Variants in GABRB1 observed in about 807,000 individuals in gnomAD.
GABRB1 encodes gamma-aminobutyric acid receptor subunit beta-1.
GABRB1 carries 17 observed loss-of-function variants against 51.6 expected under a neutral mutation model. That is an observed-to-expected ratio of 0.33 (90% CI 0.23 to 0.49). The LOEUF is 0.49. GABRB1 is among the 20% of genes least tolerant of loss of function. GABRB1 has a pLI of 0.99. For synonymous variants in GABRB1, 247 were observed against 218.9 expected (o/e 1.13, Z -1.14); for missense variants, 410 against 600.6 (o/e 0.68, Z 3.32).
rs574926674 is a variant in GABRB1, at chr4:47,398,567, G to T, written c.545-4751G>T. The stretch of plus-strand genomic sequence containing the variant: ...ATCTTCTCATATATATAGAGAGAGA[G>T]AGAGAGAGAGACAGAGAGAGAGACA... On this transcript the variant is annotated intron_variant, in intron 5 of 8. Coordinates refer to ENST00000295454, the MANE Select transcript of GABRB1 (RefSeq NM_000812.4). 1.9e-3 allele frequency among the ~76,000 whole-genome samples: 290 copies of T among 152,220 alleles called. 1 individual carries two copies. Among genetic ancestry groups the T allele is most frequent in the African/African-American group, 6.7e-3 (277 of 41,554 alleles).
intron 4 of GABRB1, among the ~76,000 whole-genome samples, chr4:47,228,218 A>C (rs1457770906): frequency 6.6e-6 from 1 of 152,180 alleles, no homozygotes; most frequent in Non-Finnish European, 1.5e-5. Context: ...TCAATATCAT[A>C]GTATGAGTGA....
At chr4:47,270,199 G>A (rs1722817184) in intron 4 of GABRB1, among the ~76,000 whole-genome samples, 1 of 152,166 alleles carries the variant, frequency 6.6e-6, no homozygotes, top group African/African-American at 2.4e-5. Flanking sequence ...TGACATGGCT[G>A]TTTTGGTTTT....
chr4:47,083,372 A>G (rs1017520154), intron 3 of GABRB1, among the ~76,000 whole-genome samples: 5 of 152,182 alleles, frequency 3.3e-5, no homozygotes, highest in Admixed American at 6.6e-5. Context: ...CATATTTTAT[A>G]TTAGCACAAG....
chr4:47,350,216 T>G (rs35884281), intron 5 of GABRB1, among the ~76,000 whole-genome samples: 28,916 of 71,390 alleles, frequency 0.41, 5,047 homozygotes, highest in East Asian at 0.51. Flanking sequence ...TATATATATA[T>G]ATAGAGAGAG....
At chr4:47,092,165 C>CTTTTTTTTTTTTTTTTT (rs869057256) in intron 3 of GABRB1, among the ~76,000 whole-genome samples, 3 of 60,506 alleles carry the variant, frequency 5.0e-5, no homozygotes, top group African/African-American at 7.0e-5. Context: ...TTCTTTCTTT[C>CTTTTTTTTTTTTTTTTT]TTTTTTTTTT....
At chr4:47,295,101 C>G (rs1723919415) in intron 4 of GABRB1, among the ~76,000 whole-genome samples, 1 of 152,154 alleles carries the variant, frequency 6.6e-6, no homozygotes, top group Non-Finnish European at 1.5e-5. Context: ...AACAAAAACC[C>G]ATCTGTACAT....
chr4:46,996,070 GT>G (rs35038999), intron 1 of GABRB1, among the ~76,000 whole-genome samples: 63,798 of 139,888 alleles, frequency 0.46, 14,120 homozygotes, highest in Admixed American at 0.56. Context: ...CTAACTTGAG[GT>G]TTTTTTTTTT....
chr4:47,302,646 A>G (rs1490774794), intron 4 of GABRB1, among the ~76,000 whole-genome samples: 2 of 152,024 alleles, frequency 1.3e-5, no homozygotes, highest in Non-Finnish European at 2.9e-5. Context: ...GTCTAAAAAT[A>G]AGATTTTCAG....
chr4:47,257,689 A>G (rs1406997168), intron 4 of GABRB1, among the ~76,000 whole-genome samples: 1 of 151,708 alleles, frequency 6.6e-6, no homozygotes, highest in Non-Finnish European at 1.5e-5. Context: ...GAAAGCTAAG[A>G]GTCAGGAAAA....
intron 5 of GABRB1, among the ~76,000 whole-genome samples, chr4:47,330,317 T>A (rs1694820140): frequency 6.6e-6 from 1 of 152,162 alleles, no homozygotes; most frequent in African/African-American, 2.4e-5. Context: ...ACTGGACACC[T>A]CGTGATCCAG....
chr4:47,038,154 T>G (rs1489250996), intron 3 of GABRB1, among the ~76,000 whole-genome samples: 1 of 152,226 alleles, frequency 6.6e-6, no homozygotes, highest in Non-Finnish European at 1.5e-5. Context: ...TAGATTGTCT[T>G]AAATACCATA....
Position 47,089,041 on chromosome 4 carries a change from C to A in GABRB1, c.240+56557C>A, listed in dbSNP as rs186373838. Among the ~76,000 whole-genome samples, 1,142 of 152,254 alleles carry A rather than the reference C, an allele frequency of 7.5e-3. 14 individuals carry two copies. Among genetic ancestry groups the A allele is most frequent in the African/African-American group, 0.026 (1,073 of 41,536 alleles). On this transcript the variant is annotated intron_variant, in intron 3 of 8. Transcript: ENST00000295454. ...TTTAAAATGTTTATTGTCAAACCTACATAATGGCTATGATCTGATCACTCC... is the reference window on the plus strand; with the variant it reads ...TTTAAAATGTTTATTGTCAAACCTAAATAATGGCTATGATCTGATCACTCC...
intron 5 of GABRB1, among the ~76,000 whole-genome samples, chr4:47,360,346 C>T (rs1000844866): frequency 1.3e-5 from 2 of 151,514 alleles, no homozygotes; most frequent in African/African-American, 4.8e-5. Context: ...GACAAGAGTG[C>T]TGCAACTCAG....
At chr4:47,121,892 A>G (rs1715791174) in intron 3 of GABRB1, among the ~76,000 whole-genome samples, 1 of 152,224 alleles carries the variant, frequency 6.6e-6, no homozygotes, top group South Asian at 2.1e-4. Context: ...ACATACTTCA[A>G]TGCATTTAAT....
At chr4:47,333,989 A>C (rs1392837116) in intron 5 of GABRB1, among the ~76,000 whole-genome samples, 1 of 152,192 alleles carries the variant, frequency 6.6e-6, no homozygotes, top group Non-Finnish European at 1.5e-5. Flanking sequence ...AATTTCACTG[A>C]ATAGAGCCAA....
chr4:47,265,059 T>C (rs1722595601), intron 4 of GABRB1, among the ~76,000 whole-genome samples: 2 of 152,206 alleles, frequency 1.3e-5, no homozygotes, highest in African/African-American at 4.8e-5. Flanking sequence ...GTTACATGGA[T>C]ATATTTCATA....
chr4:47,127,751 T>C (rs1716223610), intron 3 of GABRB1, among the ~76,000 whole-genome samples: 1 of 151,938 alleles, frequency 6.6e-6, no homozygotes, highest in Admixed American at 6.6e-5. Flanking sequence ...TAGAGCTTTT[T>C]GTGTCTCCAG....
At chr4:47,066,801 CCTGTTA>C (rs1727108082) in intron 3 of GABRB1, among the ~76,000 whole-genome samples, 1 of 152,144 alleles carries the variant, frequency 6.6e-6, no homozygotes, top group African/African-American at 2.4e-5. Flanking sequence ...CTTCTAAACT[CCTGTTA>C]CTGTTGATAT....
chr4:47,131,071 C>A (rs940078522), intron 3 of GABRB1, among the ~76,000 whole-genome samples: 2 of 152,108 alleles, frequency 1.3e-5, no homozygotes, highest in Admixed American at 6.6e-5. Flanking sequence ...TGCTTACATT[C>A]ACAAAAAGAT....
Sources: allele counts gnomAD v4.1 joint callset (sites outside exome capture counted in the v4.1 genomes callset), GRCh38; gene constraint gnomAD v4.1.1; transcripts MANE v1.5; gene names NCBI Gene and HGNC (gene_info 2026-07-23, HGNC 2026-07-21).